HECTD2: variants seen among roughly 807,000 people sequenced by gnomAD.
HECTD2 encodes probable E3 ubiquitin-protein ligase HECTD2.
Under a neutral mutation model 103.2 loss-of-function variants are expected in HECTD2, and 35 were observed. The ratio of observed to expected loss-of-function variants is 0.34; its 90% CI spans 0.26 to 0.45. HECTD2 has a LOEUF of 0.45. Ranked by LOEUF, HECTD2 falls within the 20% of genes least tolerant of loss-of-function variation. HECTD2 has a pLI of 1.00. For synonymous variants in HECTD2, 281 were observed against 329.9 expected (o/e 0.85, Z 1.61); for missense variants, 596 against 937.4 (o/e 0.64, Z 4.76).
intron 5 of HECTD2, among the ~76,000 whole-genome samples, chr10:91,470,883 C>T (rs947678249): frequency 5.3e-5 from 8 of 152,088 alleles, no homozygotes; most frequent in East Asian, 3.9e-4. Context: ...TCTACTGAAA[C>T]TATTCCAAAA....
At chr10:91,504,590 A>T (rs1847064780) in intron 20 of HECTD2, among the ~76,000 whole-genome samples, 1 of 152,054 alleles carries the variant, frequency 6.6e-6, no homozygotes, top group Admixed American at 6.5e-5. Flanking sequence ...AAGAATAAAA[A>T]GAAACGAGCA....
At chr10:91,465,544 T>A (rs1479960130) in intron 5 of HECTD2, among the ~76,000 whole-genome samples, 1 of 151,570 alleles carries the variant, frequency 6.6e-6, no homozygotes, top group African/African-American at 2.4e-5. Context: ...CCATTAATTA[T>A]GATGTTAGCT....
intron 2 of HECTD2, among the ~76,000 whole-genome samples, chr10:91,443,493 C>T (rs1461275311): frequency 6.6e-6 from 1 of 151,708 alleles, no homozygotes. Flanking sequence ...CCAGCTGGAG[C>T]TCCCCTGTAT....
intron 2 of HECTD2, among the ~76,000 whole-genome samples, chr10:91,427,712 A>G (rs1170655389): frequency 2.0e-5 from 3 of 151,600 alleles, no homozygotes; most frequent in Non-Finnish European, 4.4e-5. Context: ...TTTTTCTTGT[A>G]AATTTGTTTG....
At chr10:91,456,758 G>T (rs190279899) in intron 2 of HECTD2, among the ~76,000 whole-genome samples, 32 of 151,802 alleles carry the variant, frequency 2.1e-4, no homozygotes, top group Admixed American at 6.6e-4. Context: ...CAAAAAGGGG[G>T]AAAGTTTCAA....
chr10:91,433,045 G>A (rs1045924406), intron 2 of HECTD2, among the ~76,000 whole-genome samples: 5 of 151,914 alleles, frequency 3.3e-5, no homozygotes, highest in South Asian at 2.1e-4. Flanking sequence ...GACTTGCCAC[G>A]TAAGGATTCC....
At chr10:91,451,126 G>A (rs777476169) in intron 2 of HECTD2, among the ~76,000 whole-genome samples, 2 of 152,160 alleles carry the variant, frequency 1.3e-5, no homozygotes, top group Non-Finnish European at 2.9e-5. Context: ...CAACCCAAAT[G>A]CCCGTCAATG....
intron 1 of HECTD2, 46 bp from the exon 2 acceptor site, chr10:91,425,234 TA>T: frequency 7.4e-7 from 1 of 1,345,320 alleles, no homozygotes; most frequent in East Asian, 2.7e-5. Flanking sequence ...TAAAATAATT[TA>T]TAGGTAGTAG....
intron 2 of HECTD2, among the ~76,000 whole-genome samples, chr10:91,450,620 T>C (rs1844771272): frequency 6.6e-6 from 1 of 151,874 alleles, no homozygotes; most frequent in Non-Finnish European, 1.5e-5. Flanking sequence ...GTTTGCAATC[T>C]ATCCATCTGA....
intron 20 of HECTD2, among the ~76,000 whole-genome samples, chr10:91,502,706 C>G (rs987282365): frequency 1.3e-5 from 2 of 151,922 alleles, no homozygotes; most frequent in African/African-American, 2.4e-5. Context: ...TTTTGCATAA[C>G]AGAAGTTAAT....
rs976295317 is a variant in HECTD2, at chr10:91,487,500, T to C, written c.1095-182T>C. 1.5e-6 allele frequency: 1 copy of C among 645,938 alleles called. No individual in the cohort carries two copies. Among genetic ancestry groups the C allele is most frequent in the Non-Finnish European group, 2.9e-6 (1 of 349,852 alleles). 40.0% of individuals were successfully genotyped at this position (645,938 alleles called of 1,614,324 possible). ...AAAGGCATTGCACATCTAGTAATGA[T>C]ACATTCTTCACATGGCTGTGAGAAT... On this transcript the variant is annotated intron_variant, in intron 10 of 20. Coordinates refer to ENST00000298068, the MANE Select transcript of HECTD2 (RefSeq NM_182765.6). The surrounding 1 kb of genome is among the most constrained non-coding windows in gnomAD (Gnocchi z 4.1).
chr10:91,492,622 T>C (rs1477242737), intron 13 of HECTD2, 138 bp downstream of exon 13: 1 of 684,506 alleles, frequency 1.5e-6, no homozygotes, highest in African/African-American at 1.8e-5. Flanking sequence ...GTTTAAGGAC[T>C]GTTATTTACA....
At chr10:91,423,844 T>C (rs897840193) in intron 1 of HECTD2, among the ~76,000 whole-genome samples, 2 of 152,116 alleles carry the variant, frequency 1.3e-5, no homozygotes, top group African/African-American at 2.4e-5. Context: ...TAGTCCAGCA[T>C]GAAGGGCCAA....
intron 20 of HECTD2, among the ~76,000 whole-genome samples, chr10:91,507,437 C>T (rs1206421596): frequency 2.6e-5 from 4 of 152,152 alleles, no homozygotes; most frequent in Non-Finnish European, 5.9e-5. Context: ...TCTCAGGATA[C>T]AAAATCAGTG....
intron 2 of HECTD2, among the ~76,000 whole-genome samples, chr10:91,434,085 C>T (rs183963001): frequency 9.1e-4 from 139 of 152,092 alleles, no homozygotes; most frequent in Middle Eastern, 3.4e-3. Context: ...AAGTACATCT[C>T]TAAAATCTAA....
intron 2 of HECTD2, among the ~76,000 whole-genome samples, chr10:91,427,839 T>C (rs1209082248): frequency 6.6e-6 from 1 of 152,130 alleles, no homozygotes; most frequent in East Asian, 1.9e-4. Flanking sequence ...CTGTTCACTC[T>C]GATGGTAGTT....
At chr10:91,410,602 G>T (rs780902866) in intron 1 of HECTD2, 26 bp downstream of exon 1, 1 of 1,186,792 alleles carries the variant, frequency 8.4e-7, no homozygotes, top group Non-Finnish European at 1.0e-6. Flanking sequence ...GGGCCGTCTG[G>T]CGCCCCGGAC....
chr10:91,487,644 C>G lies in HECTD2; in HGVS notation c.1095-38C>G. On this transcript the variant is annotated intron_variant, in intron 10 of 20. Coordinates refer to ENST00000298068, the MANE Select transcript of HECTD2 (RefSeq NM_182765.6). The surrounding 1 kb of genome is among the most constrained non-coding windows in gnomAD (Gnocchi z 4.1). Reference sequence around the variant, plus strand: ...CCTTAGTATAATTTTGTTAAAAATACACCATTTTGCTTTTTCTTTTTTTCA... The same window carrying G: ...CCTTAGTATAATTTTGTTAAAAATAGACCATTTTGCTTTTTCTTTTTTTCA... 1 of 1,303,524 alleles carries G rather than the reference C, an allele frequency of 7.7e-7. No individual in the cohort carries two copies. Among genetic ancestry groups the G allele is most frequent in the South Asian group, 1.2e-5 (1 of 84,754 alleles). 80.7% of individuals were successfully genotyped at this position (1,303,524 alleles called of 1,614,324 possible). A position where few individuals can be genotyped will look rare whatever the true frequency, so the allele number is the denominator to read the frequency against.
At chr10:91,423,090 T>G (rs58238306) in intron 1 of HECTD2, among the ~76,000 whole-genome samples, 3,126 of 152,290 alleles carry the variant, frequency 0.021, 108 homozygotes, top group African/African-American at 0.071. Flanking sequence ...AAGTAGAGAT[T>G]ACATCAGCCA....
Sources: gnomAD v4.1 joint callset for allele counts (sites outside exome capture counted in the v4.1 genomes callset) on GRCh38, gnomAD v4.1.1 for gene constraint, Gnocchi (gnomAD v3.1) non-coding constraint, MANE v1.5 for transcripts, NCBI Gene and HGNC (gene_info 2026-07-23, HGNC 2026-07-21) for gene names.